LCP2: variants seen among roughly 807,000 people sequenced by gnomAD.
LCP2 encodes the protein lymphocyte cytosolic protein 2, also known as 76 kDa tyrosine phosphoprotein.
Under a neutral mutation model 74.5 loss-of-function variants are expected in LCP2, and 29 were observed. That is an observed-to-expected ratio of 0.39 (90% CI 0.29 to 0.53). The LOEUF (loss-of-function observed/expected upper bound fraction) is 0.53, where lower values mean the gene tolerates loss of function less well. Among genes scored for constraint, LCP2 ranks in the 20% least tolerant of loss-of-function variants. The pLI is 0.72. For missense variants in LCP2, 604 were observed against 634.6 expected, an observed-to-expected ratio of 0.95 and a Z score of 0.52; for synonymous variants, 228 against 229.5, an observed-to-expected ratio of 0.99 and a Z score of 0.06.
intron 3 of LCP2, among the ~76,000 whole-genome samples, chr5:170,286,078 A>G (rs777305903): frequency 3.3e-5 from 5 of 152,186 alleles, no homozygotes; most frequent in Non-Finnish European, 7.3e-5. Context: ...TTATTTGGTT[A>G]TTTCAGTTGG....
At chr5:170,284,897 C>T (rs1260855967) in intron 3 of LCP2, among the ~76,000 whole-genome samples, 3 of 151,960 alleles carry the variant, frequency 2.0e-5, no homozygotes, top group Admixed American at 6.6e-5. Flanking sequence ...ACTACAGTCG[C>T]CTGCCACCAA....
chr5:170,293,247 G>A (rs897425021), intron 2 of LCP2, 63 bp downstream of exon 2: 2 of 1,509,444 alleles, frequency 1.3e-6, no homozygotes, highest in African/African-American at 2.8e-5. Context: ...AGTTGGCCCT[G>A]CAGCCATGGG....
intron 3 of LCP2, among the ~76,000 whole-genome samples, chr5:170,284,530 C>G (rs533748104): frequency 2.2e-4 from 34 of 151,406 alleles, no homozygotes; most frequent in Middle Eastern, 3.4e-3. Flanking sequence ...TGTGATGTGC[C>G]TCAGAGCTAG....
chr5:170,293,431 C>G (rs1762323139), intron 1 of LCP2, 59 bp from the exon 2 acceptor site: 2 of 1,492,192 alleles, frequency 1.3e-6, no homozygotes, highest in East Asian at 4.9e-5. Context: ...ATTGGTTCCT[C>G]TCCCTTGCCT....
At chr5:170,284,740 A>G (rs1219511309) in intron 3 of LCP2, among the ~76,000 whole-genome samples, 2 of 148,428 alleles carry the variant, frequency 1.3e-5, no homozygotes, top group African/African-American at 5.0e-5. Context: ...AATTGTCCCA[A>G]AGTTCCTTGA....
At chr5:170,271,444 C>T (rs745824138) in intron 6 of LCP2, among the ~76,000 whole-genome samples, 9 of 152,062 alleles carry the variant, frequency 5.9e-5, no homozygotes, top group East Asian at 1.9e-4. Context: ...TAAGTTGTGT[C>T]GAGGAGGGGA....
At chr5:170,296,555 C>G (rs1762388954) in intron 1 of LCP2, among the ~76,000 whole-genome samples, 1 of 152,212 alleles carries the variant, frequency 6.6e-6, no homozygotes. Context: ...TTATGACAGT[C>G]TGGAATATCA....
rs548388175 is a variant in LCP2, at chr5:170,251,177, T to C, written c.1324-292A>G. 456 of 297,378 alleles carry C rather than the reference T, an allele frequency of 1.5e-3. 1 individual carries two copies. The highest frequency in any genetic ancestry group is 2.3e-3 in the Non-Finnish European group (371 of 158,302). 18.4% of individuals were successfully genotyped at this position (297,378 alleles called of 1,614,324 possible). A position where few individuals can be genotyped will look rare whatever the true frequency, so the allele number is the denominator to read the frequency against. On this transcript the variant is annotated intron_variant, in intron 19 of 20. Transcript: ENST00000046794. Reference sequence around the variant, plus strand: ...AAAAACGGAATCTTTTGTTCAGTAATAAATAATGGGTGGTTGAGTGGATAA... The same window carrying C: ...AAAAACGGAATCTTTTGTTCAGTAACAAATAATGGGTGGTTGAGTGGATAA...
At chr5:170,281,480 C>T (rs553360723) in intron 3 of LCP2, among the ~76,000 whole-genome samples, 1 of 152,262 alleles carries the variant, frequency 6.6e-6, no homozygotes, top group Non-Finnish European at 1.5e-5. Context: ...CAGCGTTTCA[C>T]TGTGTTAGCC....
chr5:170,248,681 G>C lies in LCP2; in HGVS notation c.*16C>G. Reference sequence around the variant, plus strand: ...ACAGAGGCAGGAGGACGGTTCATTTGCTCGGCTATAACTTGCTATGGGTAC... The same window carrying C: ...ACAGAGGCAGGAGGACGGTTCATTTCCTCGGCTATAACTTGCTATGGGTAC... On this transcript the variant is annotated 3_prime_UTR_variant, in exon 21 of 21. Coordinates refer to ENST00000046794, the MANE Select transcript of LCP2 (RefSeq NM_005565.5). 1 of 1,573,162 alleles carries C rather than the reference G, an allele frequency of 6.4e-7. No individual in the cohort carries two copies. The highest frequency in any genetic ancestry group is 8.6e-7 in the Non-Finnish European group (1 of 1,160,138).
chr5:170,267,949 G>A (rs1761798551), intron 8 of LCP2, among the ~76,000 whole-genome samples: 1 of 152,144 alleles, frequency 6.6e-6, no homozygotes. Context: ...GATTCACAAG[G>A]ACCGGGCTGT....
Position 170,281,494 on chromosome 5 carries a change from A to C in LCP2, c.189-5634T>G, listed in dbSNP as rs576491754. Among the ~76,000 whole-genome samples, 23 of 152,254 alleles carry C rather than the reference A, an allele frequency of 1.5e-4. No homozygotes were observed. The East Asian group carries it at 4.1e-3, about 27-fold the overall frequency. Reference sequence around the variant, plus strand: ...ACAGCGTTTCACTGTGTTAGCCAGGATGGTCTCGATCTCCTGACCTTGTGA... The same window carrying C: ...ACAGCGTTTCACTGTGTTAGCCAGGCTGGTCTCGATCTCCTGACCTTGTGA... On this transcript the variant is annotated intron_variant, in intron 3 of 20. Transcript: ENST00000046794.
intron 6 of LCP2, 191 bp downstream of exon 6, chr5:170,274,110 G>T: frequency 1.7e-6 from 1 of 602,146 alleles, no homozygotes; most frequent in East Asian, 2.8e-5. Flanking sequence ...AGCTGAGACA[G>T]AGAGTGCATG....
intron 3 of LCP2, among the ~76,000 whole-genome samples, chr5:170,281,230 G>A (rs1255706581): frequency 6.6e-6 from 1 of 152,116 alleles, no homozygotes; most frequent in East Asian, 1.9e-4. Flanking sequence ...ATGGGACAGG[G>A]GAGGACCATG....
At chr5:170,258,266 G>A (rs939831941) in intron 15 of LCP2, 100 bp from the exon 16 acceptor site, 23 of 1,255,192 alleles carry the variant, frequency 1.8e-5, no homozygotes, top group Non-Finnish European at 2.4e-5. Flanking sequence ...CTAGTATAAA[G>A]AGGACACAAA....
In LCP2 at chr5:170,266,863, C is replaced by T. The variant is rs761168311; in HGVS notation, c.717G>A (p.Thr239=). 5.0e-6 allele frequency: 8 copies of T among 1,613,798 alleles called. No individual in the cohort carries two copies. Among genetic ancestry groups the T allele is most frequent in the African/African-American group, 1.3e-5 (1 of 74,974 alleles). ...CTAATGAACGATCTAGGGGAGGTTT[C>T]GTGCTTCTGTCTATTGAAGGAGCAG... ...KLPAPSIDRS[T]KPPLDRSLAP... Residue 239 remains threonine, a synonymous_variant, in exon 10 of 21, where the codon ACG becomes ACA. Coordinates refer to ENST00000046794, the MANE Select transcript of LCP2 (RefSeq NM_005565.5).
chr5:170,287,816 T>C (rs1762208581), intron 3 of LCP2, 154 bp downstream of exon 3: 2 of 707,360 alleles, frequency 2.8e-6, no homozygotes, highest in Non-Finnish European at 5.0e-6. Flanking sequence ...TCATGTAACT[T>C]CTGTTCCCCA....
At position 170,246,807 on chromosome 5, in the gene LCP2, G is replaced by A. The variant is rs1486803479; in HGVS notation, c.*1890C>T. The A allele has an allele frequency of 1.3e-5, 2 of 152,214 alleles. No individual in the cohort carries two copies. The highest frequency in any genetic ancestry group is 4.8e-5 in the African/African-American group (2 of 41,452). The allele number at this position is 152,214 out of a possible 1,614,324, so 9.4% of individuals were successfully genotyped here. On this transcript the variant is annotated 3_prime_UTR_variant, in exon 21 of 21. Transcript: ENST00000046794. ...TGATGCACCTGGGGTCATATAGAAG[G>A]TCTGTGGCCAAAAGAGGCAAGGCCC...
At chr5:170,261,389 ATGTGTG>A (rs1554139945) in intron 13 of LCP2, among the ~76,000 whole-genome samples, 3 of 146,274 alleles carry the variant, frequency 2.1e-5, no homozygotes, top group African/African-American at 2.6e-5. Context: ...GCAAATAATT[ATGTGTG>A]TGTGTGTGTG....
Sources: allele counts gnomAD v4.1 joint callset (sites outside exome capture counted in the v4.1 genomes callset), GRCh38; gene constraint gnomAD v4.1.1; transcripts MANE v1.5; gene names NCBI Gene and HGNC (gene_info 2026-07-23, HGNC 2026-07-21).